The following CACNA1A variants were observed in gnomAD, a reference collection of about 807,000 sequenced individuals.
CACNA1A encodes voltage-dependent P/Q-type calcium channel subunit alpha-1A.
In CACNA1A, 57 loss-of-function variants were observed where a neutral mutation model predicts 262.4. The observed-to-expected ratio is 0.22, with a 90% CI of 0.18 to 0.27. The LOEUF (loss-of-function observed/expected upper bound fraction) is 0.27, where lower values mean the gene tolerates loss of function less well. Ranked by LOEUF, CACNA1A falls within the 10% of genes least tolerant of loss-of-function variation. The pLI is 1.00. For synonymous variants in CACNA1A, 1,431 were observed against 1,419.3 expected (o/e 1.01, Z -0.18); for missense variants, 2,526 against 3,562.8 (o/e 0.71, Z 7.41).
At chr19:13,408,396 G>A (rs1262682916) in intron 3 of CACNA1A, among the ~76,000 whole-genome samples, 1 of 152,114 alleles carries the variant, frequency 6.6e-6, no homozygotes, top group Non-Finnish European at 1.5e-5. Context: ...TGAAACAAAA[G>A]AACTAATGAA....
chr19:13,455,282 GACCC>G, intron 1 of CACNA1A, 70 bp from the exon 2 acceptor site: 3 of 858,200 alleles, frequency 3.5e-6, no homozygotes, highest in Non-Finnish European at 6.0e-6. Context: ...CACCCCCACT[GACCC>G]CAGTGGAAAG....
chr19:13,337,266 G>A (rs983793608), intron 6 of CACNA1A, among the ~76,000 whole-genome samples: 4 of 152,154 alleles, frequency 2.6e-5, no homozygotes, highest in Admixed American at 2.0e-4. Flanking sequence ...TGTCAGAAGG[G>A]CTGGTTCCTT....
chr19:13,435,560 A>C (rs1302356843), intron 3 of CACNA1A, among the ~76,000 whole-genome samples: 1 of 152,104 alleles, frequency 6.6e-6, no homozygotes, highest in Non-Finnish European at 1.5e-5. Context: ...GCCTGTCCTC[A>C]TTTTCCCAGA....
chr19:13,285,055 G>A lies in CACNA1A; in HGVS notation c.3692+13C>T. ...CCCAGGCCCCCCCTGCCCTTGCTGG[G>A]GGCCATACTCACGGGTTGGTCGTGG... On this transcript the variant is annotated intron_variant, in intron 21 of 46. Coordinates refer to ENST00000360228, the MANE Select transcript of CACNA1A (RefSeq NM_001127222.2). 2 of 1,613,894 alleles carry A rather than the reference G, an allele frequency of 1.2e-6. No homozygotes were observed. Among genetic ancestry groups the A allele is most frequent in the Non-Finnish European group, 1.7e-6 (2 of 1,179,828 alleles).
At chr19:13,229,006 T>G in intron 36 of CACNA1A, 3 of 310,396 alleles carry the variant, frequency 9.7e-6, no homozygotes, top group Non-Finnish European at 1.8e-5. Context: ...GCAGGGCACC[T>G]CCCCTGGGGC....
intron 3 of CACNA1A, among the ~76,000 whole-genome samples, chr19:13,446,906 CT>C (rs1001175499): frequency 2.0e-5 from 3 of 152,090 alleles, no homozygotes; most frequent in African/African-American, 7.2e-5. Context: ...GAATGTTTTA[CT>C]TTCCCCTCCC....
rs16048 is a variant in CACNA1A at position 13,212,310 on chromosome 19, T to G, written c.6189+74A>C. The G allele has an allele frequency of 0.88, 1,365,031 of 1,550,594 alleles. 602,274 individuals are homozygous for G. The highest frequency in any genetic ancestry group is 0.9 in the Non-Finnish European group (1,015,161 of 1,126,822). ...GGAGGGAGCTGCAGGTGTGTGTGTG[T>G]GGGGGGCCCAGATCCCTTCCACCTG... On this transcript the variant is annotated intron_variant, in intron 42 of 46. Transcript: ENST00000360228. This position sits in a 1 kb window ranked among gnomAD's most constrained non-coding sequence, Gnocchi z 5.6.
chr19:13,285,108 G>A lies in CACNA1A; in HGVS notation c.3652C>T (p.Pro1218Ser). The A allele has an allele frequency of 6.2e-7, 1 of 1,613,926 alleles. No homozygotes were observed. Among genetic ancestry groups the A allele is most frequent in the Non-Finnish European group, 8.5e-7 (1 of 1,179,862 alleles). ...DRGEDGPKPM[P>S]PYSSMFILST... ...AGGATGAACATGGAGCTATAGGGAG[G>A]CATTGGCTTAGGGCCGTCTTCCCCA... Residue 1218 changes from proline (P) to serine (S), a missense_variant, in exon 21 of 47, where the codon CCT becomes TCT. Pro to Ser is a moderately conservative substitution (Grantham distance 74). Transcript: ENST00000360228.
At chr19:13,303,652 G>A in intron 16 of CACNA1A, 39 bp from the exon 17 acceptor site, 1 of 1,596,770 alleles carries the variant, frequency 6.3e-7, no homozygotes, top group Non-Finnish European at 8.6e-7. Flanking sequence ...CCACTGGTGG[G>A]ACACCACTTG....
chr19:13,216,850 T>C (rs1201834030), intron 38 of CACNA1A, among the ~76,000 whole-genome samples: 2 of 151,896 alleles, frequency 1.3e-5, no homozygotes, highest in Non-Finnish European at 2.9e-5. Context: ...GCTAACTGGG[T>C]TTACGTTTAA....
intron 3 of CACNA1A, among the ~76,000 whole-genome samples, chr19:13,394,833 T>G (rs908032378): frequency 3.3e-5 from 5 of 152,160 alleles, no homozygotes; most frequent in Non-Finnish European, 5.9e-5. Flanking sequence ...CATTCTCCCC[T>G]GGGGCTAGCC....
At chr19:13,333,409 C>T (rs1490085456) in intron 8 of CACNA1A, among the ~76,000 whole-genome samples, 1 of 152,056 alleles carries the variant, frequency 6.6e-6, no homozygotes, top group Non-Finnish European at 1.5e-5. Flanking sequence ...AGAAGCCTTC[C>T]CTGACCACCC....
intron 6 of CACNA1A, among the ~76,000 whole-genome samples, chr19:13,346,619 TATATATATATATATA>T (rs1568556965): frequency 2.7e-4 from 1 of 3,772 alleles, no homozygotes; most frequent in African/African-American, 1.2e-3. Flanking sequence ...TAATTGATTA[TATATATATATATATA>T]TATATATATA....
chr19:13,386,874 T>A (rs905824109), intron 3 of CACNA1A, among the ~76,000 whole-genome samples: 5 of 152,104 alleles, frequency 3.3e-5, no homozygotes, highest in Non-Finnish European at 7.4e-5. Flanking sequence ...AGTGACGATG[T>A]TAGAGTGGAA....
chr19:13,444,875 C>T (rs115376110), intron 3 of CACNA1A, among the ~76,000 whole-genome samples: 158 of 152,176 alleles, frequency 1.0e-3, no homozygotes, highest in African/African-American at 3.6e-3. Flanking sequence ...CGGTGGCTCA[C>T]GCTTGTAATC....
chr19:13,334,953 G>A (rs897726115), intron 7 of CACNA1A, among the ~76,000 whole-genome samples: 12 of 151,718 alleles, frequency 7.9e-5, no homozygotes, highest in African/African-American at 2.9e-4. Context: ...AGGATCGCTT[G>A]TGCCTAGGAG....
At chr19:13,452,315 C>A (rs2060930791) in intron 3 of CACNA1A, 1 of 152,364 alleles carries the variant, frequency 6.6e-6, no homozygotes, top group African/African-American at 2.4e-5. Flanking sequence ...AAGACAGTAA[C>A]TGTACCTTAT....
At position 13,293,226 on chromosome 19, in the gene CACNA1A, T is replaced by C. The variant is rs572967709; in HGVS notation, c.3089+5318A>G. On this transcript the variant is annotated intron_variant, in intron 19 of 46. Transcript: ENST00000360228. ...TACTTAATAATATTCATATTAATAATAGCTAACATGGCCAGGCATGGTGTC... is the reference window on the plus strand; with the variant it reads ...TACTTAATAATATTCATATTAATAACAGCTAACATGGCCAGGCATGGTGTC... 7.4e-4 allele frequency among the ~76,000 whole-genome samples: 112 copies of C among 152,096 alleles called. No homozygotes were observed. The South Asian group carries it at 7.5e-3, about 10-fold the overall frequency.
Position 13,300,638 on chromosome 19 carries a change from C to T in CACNA1A, c.2191G>A (p.Glu731Lys). 1 of 1,613,700 alleles carries T rather than the reference C, an allele frequency of 6.2e-7. No homozygotes were observed. Among genetic ancestry groups the T allele is most frequent in the Non-Finnish European group, 8.5e-7 (1 of 1,179,610 alleles). ...ELTKDEQEEE[E>K]AANQKLALQK... ...AGGGCAAGTTTCTGGTTCGCTGCTT[C>T]TTCTTCCTCTTGCTCGTCCTAAAAG... Residue 731 changes from glutamate to lysine, a missense_variant, in exon 18 of 47, where the codon GAA becomes AAA. Transcript: ENST00000360228.
Sources: allele counts gnomAD v4.1 joint callset (sites outside exome capture counted in the v4.1 genomes callset), GRCh38; gene constraint gnomAD v4.1.1; non-coding constraint Gnocchi (gnomAD v3.1); transcripts MANE v1.5; gene names NCBI Gene and HGNC (gene_info 2026-07-23, HGNC 2026-07-21).